NEBL: variants seen among roughly 807,000 people sequenced by gnomAD.
NEBL encodes LIM and SH3 protein 2.
In NEBL, 122 loss-of-function variants were observed where a neutral mutation model predicts 140.2. That is an observed-to-expected ratio of 0.87 (90% CI 0.75 to 1.01). The LOEUF (loss-of-function observed/expected upper bound fraction) is 1.01. Ranked by LOEUF, NEBL falls within the 50% of genes least tolerant of loss-of-function variation. The pLI, the probability that NEBL is intolerant of heterozygous loss-of-function variation, is 0.00. For synonymous variants in NEBL, 436 were observed against 398.9 expected (o/e 1.09, Z -1.11); for missense variants, 1,365 against 1,231.3 (o/e 1.11, Z -1.62).
At chr10:20,813,833 T>G (rs1325303085) in intron 23 of NEBL, 106 bp downstream of exon 23, 2 of 794,332 alleles carry the variant, frequency 2.5e-6, no homozygotes, top group East Asian at 5.2e-5. Flanking sequence ...GCCAACCACA[T>G]TTCCATGCTT....
chr10:20,925,160 G>A (rs550113167), intron 4 of NEBL, among the ~76,000 whole-genome samples: 2 of 152,212 alleles, frequency 1.3e-5, no homozygotes, highest in East Asian at 3.9e-4. Flanking sequence ...ATTTCTTCCA[G>A]AAATACTCTC....
chr10:21,256,564 C>T (rs1172123002), intron 1 of NEBL, among the ~76,000 whole-genome samples: 3 of 152,148 alleles, frequency 2.0e-5, no homozygotes, highest in African/African-American at 7.2e-5. Context: ...GATGAGGTAG[C>T]TCATGCCTGT....
In NEBL at chr10:20,958,171, A is replaced by AT. The variant is rs902117041; in HGVS notation, c.357+3500dup. ...TAGCAGCCACAGAAAAGGGTGTTTC[A>AT]TTTTTTTTAATGCCCTTGGGCACAG... On this transcript the variant is annotated intron_variant, in intron 4 of 6. Transcript: ENST00000417816. Among the ~76,000 whole-genome samples, 6 of 152,156 alleles carry AT rather than the reference A, an allele frequency of 3.9e-5. No homozygotes were observed. In the East Asian group the frequency reaches 9.7e-4, roughly 24 times the overall value.
At chr10:21,081,264 A>G (rs186987600) in intron 2 of NEBL, among the ~76,000 whole-genome samples, 2 of 152,296 alleles carry the variant, frequency 1.3e-5, no homozygotes, top group Non-Finnish European at 1.5e-5. Flanking sequence ...CTGGCCTAAA[A>G]TCAATGGGGC....
intron 2 of NEBL, among the ~76,000 whole-genome samples, chr10:20,890,364 T>C (rs551540386): frequency 3.9e-5 from 6 of 152,292 alleles, no homozygotes; most frequent in African/African-American, 1.4e-4. Flanking sequence ...AGAAAATAAG[T>C]AGTCAGCATG....
chr10:21,096,207 A>G (rs1408252269), intron 2 of NEBL, among the ~76,000 whole-genome samples: 1 of 152,138 alleles, frequency 6.6e-6, no homozygotes, highest in Non-Finnish European at 1.5e-5. Context: ...CTTCAATACC[A>G]CTGAGTTCTA....
intron 13 of NEBL, among the ~76,000 whole-genome samples, chr10:20,836,475 G>A (rs890080348): frequency 4.6e-5 from 7 of 152,048 alleles, no homozygotes; most frequent in Admixed American, 4.6e-4. Flanking sequence ...CACCCACCTC[G>A]GCCTCCCAAA....
chr10:21,180,843 A>G (rs182472404), intron 3 of NEBL, among the ~76,000 whole-genome samples: 22 of 152,278 alleles, frequency 1.4e-4, no homozygotes, highest in Middle Eastern at 3.4e-3. Flanking sequence ...AGGTCTTATC[A>G]TCATAGGAGG....
chr10:21,177,803 C>T (rs889739698), upstream of NEBL, among the ~76,000 whole-genome samples: 5 of 152,190 alleles, frequency 3.3e-5, no homozygotes, highest in Non-Finnish European at 7.3e-5. Flanking sequence ...GCTGGGATTA[C>T]AGGCGTGAGC....
chr10:20,892,904 G>A lies in NEBL; in HGVS notation c.154-2955C>T, dbSNP rs147717325. ...AATACACCCTGGAAGGAAAAACAAT[G>A]GCTCCATCATTATTTAACTGGGCTG... is the stretch of plus-strand genomic sequence containing the variant. On this transcript the variant is annotated intron_variant, in intron 2 of 27. Transcript: ENST00000377122. Among the ~76,000 whole-genome samples the A allele has an allele frequency of 2.1e-3, 327 of 152,296 alleles. 2 individuals are homozygous for A. The highest frequency in any genetic ancestry group is 7.4e-3 in the African/African-American group (309 of 41,564).
In NEBL at chr10:20,986,668, G is replaced by T. The variant is rs549450759; in HGVS notation, c.250-24889C>A. Among the ~76,000 whole-genome samples, 3 of 152,192 alleles carry T rather than the reference G, an allele frequency of 2.0e-5. No homozygotes were observed. The East Asian group carries it at 5.8e-4, about 29-fold the overall frequency. On this transcript the variant is annotated intron_variant, in intron 3 of 6. Transcript: ENST00000417816. The stretch of plus-strand genomic sequence containing the variant: ...ATTTATAGGTTCTTGAAATAAACTA[G>T]CATCAATTAAATTATAATGAACAAG...
At chr10:20,939,427 G>A (rs1013899876) in intron 4 of NEBL, among the ~76,000 whole-genome samples, 1 of 152,146 alleles carries the variant, frequency 6.6e-6, no homozygotes, top group African/African-American at 2.4e-5. Context: ...AAGAGCTCCT[G>A]AAGGAAGCAC....
chr10:21,200,540 C>T (rs1214460839), intron 3 of NEBL, among the ~76,000 whole-genome samples: 6 of 152,098 alleles, frequency 3.9e-5, no homozygotes, highest in Non-Finnish European at 7.4e-5. Context: ...TCTCGAACTC[C>T]TTACCTCAGA....
chr10:20,953,754 A>C (rs1361308371), intron 4 of NEBL, among the ~76,000 whole-genome samples: 1 of 152,142 alleles, frequency 6.6e-6, no homozygotes, highest in Non-Finnish European at 1.5e-5. Context: ...ATAAAATTGA[A>C]AGCAACTTGA....
At chr10:21,040,671 T>C (rs966923310) in intron 2 of NEBL, among the ~76,000 whole-genome samples, 3 of 152,156 alleles carry the variant, frequency 2.0e-5, no homozygotes, top group Admixed American at 1.3e-4. Context: ...GGAATCACAT[T>C]TCTTTTTTTT....
At chr10:20,840,579 T>TA (rs922429765) in intron 13 of NEBL, among the ~76,000 whole-genome samples, 160 bp downstream of exon 13, 1 of 151,978 alleles carries the variant, frequency 6.6e-6, no homozygotes, top group Non-Finnish European at 1.5e-5. Flanking sequence ...AAGGGGATTT[T>TA]AAAAAAAATT....
chr10:21,078,394 A>C (rs1288616958), intron 2 of NEBL, among the ~76,000 whole-genome samples: 1 of 152,228 alleles, frequency 6.6e-6, no homozygotes, highest in Non-Finnish European at 1.5e-5. Flanking sequence ...ACTCTAAATA[A>C]AAAACAAAAA....
At chr10:20,827,422 C>G (rs186374292) in intron 17 of NEBL, among the ~76,000 whole-genome samples, 46 of 152,298 alleles carry the variant, frequency 3.0e-4, no homozygotes, top group Admixed American at 3.0e-3. Flanking sequence ...ACTCTGAGAG[C>G]TGGCGCTTGC....
Position 20,847,322 on chromosome 10 carries a change from A to G in NEBL, c.1117-1954T>C, listed in dbSNP as rs138427051. ...TTGAGCCTAAAACATCTAATAGTCAATGACTATAATTAAAGGGAATATATG... is the reference window on the plus strand; with the variant it reads ...TTGAGCCTAAAACATCTAATAGTCAGTGACTATAATTAAAGGGAATATATG... On this transcript the variant is annotated intron_variant, in intron 11 of 27. Coordinates refer to ENST00000377122, the MANE Select transcript of NEBL (RefSeq NM_006393.3). Among the ~76,000 whole-genome samples, 11 of 152,314 alleles carry G rather than the reference A, an allele frequency of 7.2e-5. No homozygotes were observed. In the East Asian group the frequency reaches 2.1e-3, roughly 29 times the overall value.
Sources: allele counts gnomAD v4.1 joint callset (sites outside exome capture counted in the v4.1 genomes callset), GRCh38; gene constraint gnomAD v4.1.1; transcripts MANE v1.5; gene names NCBI Gene and HGNC (gene_info 2026-07-23, HGNC 2026-07-21).